The following SEMA3A variants were observed in gnomAD, a reference collection of about 807,000 sequenced individuals.
The protein encoded by SEMA3A is semaphorin-3A.
A neutral mutation model predicts 97.9 loss-of-function variants in SEMA3A; 29 were observed. The observed-to-expected ratio is 0.30, with a 90% CI of 0.22 to 0.40. The LOEUF (loss-of-function observed/expected upper bound fraction) is 0.40. SEMA3A is among the 10% of genes least tolerant of loss of function. The probability of loss-of-function intolerance (pLI) is 1.00; values close to 1 mark genes in which losing one functional copy is unlikely to be tolerated. For missense variants in SEMA3A, 763 were observed against 951.3 expected, an observed-to-expected ratio of 0.80 and a Z score of 2.60; for synonymous variants, 321 against 323.7, an observed-to-expected ratio of 0.99 and a Z score of 0.09.
intron 4 of SEMA3A, among the ~76,000 whole-genome samples, chr7:84,081,108 A>T (rs1794136322): frequency 6.6e-6 from 1 of 152,162 alleles, no homozygotes; most frequent in Non-Finnish European, 1.5e-5. Context: ...TATATATATG[A>T]GATCATTGCA....
chr7:84,268,487 T>C (rs1800067904), intron 3 of SEMA3A, among the ~76,000 whole-genome samples: 1 of 152,026 alleles, frequency 6.6e-6, no homozygotes, highest in South Asian at 2.1e-4. Context: ...AATATCTGAG[T>C]GCCTACTTCA....
intron 1 of SEMA3A, among the ~76,000 whole-genome samples, chr7:84,380,724 G>A (rs1049880444): frequency 1.3e-5 from 2 of 152,142 alleles, no homozygotes; most frequent in Non-Finnish European, 1.5e-5. Flanking sequence ...CAGCAGGGCT[G>A]AGTTCCTCAC....
rs528685998 is a variant in SEMA3A at position 84,056,161 on chromosome 7, C to T, written c.547+4304G>A. On this transcript the variant is annotated intron_variant, in intron 5 of 16. Transcript: ENST00000265362. Reference sequence around the variant, plus strand: ...GTTACTATTTGAGGATACGACCATTCTTTCTTAACTGGAAGCTTTCTTAAC... The same window carrying T: ...GTTACTATTTGAGGATACGACCATTTTTTCTTAACTGGAAGCTTTCTTAAC... Among the ~76,000 whole-genome samples the T allele has an allele frequency of 2.0e-5, 3 of 152,294 alleles. No individual in the cohort carries two copies. In the East Asian group the frequency reaches 5.8e-4, roughly 29 times the overall value.
intron 15 of SEMA3A, among the ~76,000 whole-genome samples, chr7:83,976,915 G>A (rs1244415351): frequency 6.6e-6 from 1 of 151,894 alleles, no homozygotes; most frequent in East Asian, 1.9e-4. Context: ...CTAAAATTTT[G>A]AATTTATCAT....
chr7:84,052,025 GTA>G (rs1562732724), intron 5 of SEMA3A, among the ~76,000 whole-genome samples: 3 of 151,772 alleles, frequency 2.0e-5, no homozygotes, highest in African/African-American at 7.3e-5. Context: ...ATTGATTTGC[GTA>G]TATTGAACCA....
At chr7:84,155,617 A>G (rs976416761) in intron 1 of SEMA3A, among the ~76,000 whole-genome samples, 6 of 152,100 alleles carry the variant, frequency 3.9e-5, no homozygotes, top group African/African-American at 1.4e-4. Context: ...CTTTACACTC[A>G]TTATCTTAAT....
At chr7:84,217,022 A>C (rs1001632876) in intron 3 of SEMA3A, among the ~76,000 whole-genome samples, 1 of 152,244 alleles carries the variant, frequency 6.6e-6, no homozygotes, top group Non-Finnish European at 1.5e-5. Context: ...CAGCAGCAGC[A>C]TGAATGTTAA....
chr7:84,432,514 A>T (rs1461511204), intron 1 of SEMA3A, among the ~76,000 whole-genome samples: 3 of 152,154 alleles, frequency 2.0e-5, no homozygotes, highest in African/African-American at 4.8e-5. Context: ...AATACTCAAT[A>T]GTTTTTCAAC....
intron 1 of SEMA3A, among the ~76,000 whole-genome samples, chr7:84,179,822 C>T (rs986276078): frequency 2.0e-5 from 3 of 150,854 alleles, no homozygotes; most frequent in Non-Finnish European, 4.4e-5. Context: ...AGACAAACAT[C>T]AAGAGTAATC....
At chr7:84,181,277 T>A (rs1797727770) in intron 1 of SEMA3A, among the ~76,000 whole-genome samples, 1 of 150,186 alleles carries the variant, frequency 6.7e-6, no homozygotes. Context: ...TTCAAGGAGA[T>A]TTGATTCAGG....
At chr7:84,487,121 TA>T (rs987756242) in intron 1 of SEMA3A, among the ~76,000 whole-genome samples, 1 of 152,162 alleles carries the variant, frequency 6.6e-6, no homozygotes, top group African/African-American at 2.4e-5. Context: ...TACCCATGCT[TA>T]AAAAAATGGG....
At chr7:84,268,959 G>C (rs1230645499) in intron 3 of SEMA3A, among the ~76,000 whole-genome samples, 1 of 152,066 alleles carries the variant, frequency 6.6e-6, no homozygotes, top group Non-Finnish European at 1.5e-5. Context: ...TCCTCCTCCT[G>C]CTAGCAAAAT....
chr7:84,431,631 T>C (rs1425876424), intron 1 of SEMA3A, among the ~76,000 whole-genome samples: 2 of 151,940 alleles, frequency 1.3e-5, no homozygotes, highest in African/African-American at 2.4e-5. Flanking sequence ...AGTTTTTTTT[T>C]TAACAAGGCT....
chr7:84,430,013 C>G (rs1804938952), intron 1 of SEMA3A, among the ~76,000 whole-genome samples: 1 of 151,914 alleles, frequency 6.6e-6, no homozygotes, highest in Non-Finnish European at 1.5e-5. Flanking sequence ...ACACATTTAT[C>G]TTCAAACTAA....
intron 13 of SEMA3A, among the ~76,000 whole-genome samples, chr7:83,984,020 T>C (rs1015564963): frequency 7.9e-5 from 12 of 152,162 alleles, no homozygotes; most frequent in African/African-American, 2.2e-4. Flanking sequence ...AGACACTTTC[T>C]TCTCTCATGG....
intron 12 of SEMA3A, among the ~76,000 whole-genome samples, chr7:83,988,717 A>C (rs574795095): frequency 8.0e-4 from 121 of 152,140 alleles, no homozygotes; most frequent in South Asian, 5.2e-3. Context: ...AAATATAATA[A>C]TTTTACACAA....
At chr7:83,983,782 CT>C (rs1447987957) in intron 13 of SEMA3A, among the ~76,000 whole-genome samples, 1 of 152,156 alleles carries the variant, frequency 6.6e-6, no homozygotes, top group African/African-American at 2.4e-5. Context: ...ACCTGATGTG[CT>C]TTTTCTGCCC....
intron 5 of SEMA3A, among the ~76,000 whole-genome samples, chr7:84,048,423 G>T (rs998719058): frequency 6.6e-6 from 1 of 151,764 alleles, no homozygotes; most frequent in Admixed American, 6.6e-5. Flanking sequence ...TTTATTAAGG[G>T]TAATATCTAA....
At chr7:84,243,623 T>C (rs551432536) in intron 3 of SEMA3A, among the ~76,000 whole-genome samples, 1 of 151,894 alleles carries the variant, frequency 6.6e-6, no homozygotes, top group East Asian at 1.9e-4. Context: ...ATTTTTTTTG[T>C]GAAGGGGTTT....
Sources: allele counts gnomAD v4.1 joint callset (sites outside exome capture counted in the v4.1 genomes callset), GRCh38; gene constraint gnomAD v4.1.1; transcripts MANE v1.5; gene names NCBI Gene and HGNC (gene_info 2026-07-23, HGNC 2026-07-21).